UNC5D: variants seen among roughly 807,000 people sequenced by gnomAD.
UNC5D encodes the protein unc-5 netrin receptor D.
Under a neutral mutation model 105.4 loss-of-function variants are expected in UNC5D, and 39 were observed. That is an observed-to-expected ratio of 0.37 (90% CI 0.29 to 0.48). The LOEUF (loss-of-function observed/expected upper bound fraction) is 0.48, where lower values mean the gene tolerates loss of function less well. UNC5D is among the 20% of genes least tolerant of loss of function. The pLI is 0.98. For synonymous variants in UNC5D, 452 were observed against 450.4 expected (o/e 1.00, Z -0.04); for missense variants, 991 against 1,202.4 (o/e 0.82, Z 2.60).
chr8:35,567,168 C>A (rs1262942082), intron 2 of UNC5D, among the ~76,000 whole-genome samples: 1 of 152,172 alleles, frequency 6.6e-6, no homozygotes, highest in Non-Finnish European at 1.5e-5. Flanking sequence ...TAAAAACCCC[C>A]CTTTCTTCAC....
chr8:35,317,240 T>C (rs955520142), intron 1 of UNC5D, among the ~76,000 whole-genome samples: 75 of 152,162 alleles, frequency 4.9e-4, no homozygotes, highest in African/African-American at 1.7e-3. Context: ...CCAAATATTA[T>C]ATGTAATAAA....
chr8:35,261,530 G>A (rs900920977), intron 1 of UNC5D, among the ~76,000 whole-genome samples: 4 of 151,914 alleles, frequency 2.6e-5, no homozygotes, highest in African/African-American at 9.7e-5. Flanking sequence ...TTATGCTAGA[G>A]CCAGCCAGAG....
intron 1 of UNC5D, among the ~76,000 whole-genome samples, chr8:35,477,872 T>G (rs1810222340): frequency 6.6e-6 from 1 of 152,138 alleles, no homozygotes; most frequent in South Asian, 2.1e-4. Flanking sequence ...TGAGTTTCTA[T>G]TTATATTTTT....
intron 3 of UNC5D, among the ~76,000 whole-genome samples, chr8:35,589,258 AT>A (rs1818997684): frequency 6.6e-6 from 1 of 152,120 alleles, no homozygotes; most frequent in Non-Finnish European, 1.5e-5. Context: ...TGAGCTTATG[AT>A]TTTTAATGGT....
intron 1 of UNC5D, among the ~76,000 whole-genome samples, chr8:35,537,612 G>A (rs1457051087): frequency 6.6e-6 from 1 of 151,942 alleles, no homozygotes; most frequent in African/African-American, 2.4e-5. Flanking sequence ...CCCTGGAATT[G>A]GAGGCTGCAG....
chr8:35,676,406 C>T (rs1264945411), intron 4 of UNC5D, among the ~76,000 whole-genome samples: 2 of 152,098 alleles, frequency 1.3e-5, no homozygotes, highest in Non-Finnish European at 2.9e-5. Context: ...GGGGTGAATG[C>T]CTCCAACAAC....
chr8:35,390,756 T>C (rs1803719191), intron 1 of UNC5D, among the ~76,000 whole-genome samples: 1 of 152,240 alleles, frequency 6.6e-6, no homozygotes, highest in African/African-American at 2.4e-5. Context: ...TAAATGTTCA[T>C]GTTCACTAGT....
chr8:35,571,287 G>A (rs1817701272), intron 3 of UNC5D, among the ~76,000 whole-genome samples: 1 of 152,176 alleles, frequency 6.6e-6, no homozygotes, highest in South Asian at 2.1e-4. Context: ...ATGTAATAAA[G>A]ATGTGATTTC....
chr8:35,386,075 T>C (rs1345574923), intron 1 of UNC5D, among the ~76,000 whole-genome samples: 1 of 152,354 alleles, frequency 6.6e-6, no homozygotes, highest in Non-Finnish European at 1.5e-5. Flanking sequence ...GAAACCATAC[T>C]GCATTTGAAA....
At chr8:35,488,562 C>T (rs940517499) in intron 1 of UNC5D, among the ~76,000 whole-genome samples, 4 of 152,162 alleles carry the variant, frequency 2.6e-5, no homozygotes, top group Non-Finnish European at 5.9e-5. Context: ...ATGCTTCTAA[C>T]TCAAGGGGCT....
rs1232373486 is a variant in UNC5D at position 35,525,642 on chromosome 8, A to C, written c.104-23650A>C. ...CTTTCCACTGGAAGAGGGACATTTT[A>C]AAGCCAGCATTTTGGATTGGTAGTC... On this transcript the variant is annotated intron_variant, in intron 1 of 16. Coordinates refer to ENST00000404895, the MANE Select transcript of UNC5D (RefSeq NM_080872.4). The C allele has an allele frequency of 5.6e-6, 9 of 1,613,360 alleles. No individual in the cohort carries two copies. In the Admixed American group the frequency reaches 6.7e-5, roughly 12 times the overall value.
intron 1 of UNC5D, among the ~76,000 whole-genome samples, chr8:35,344,434 G>A (rs543122769): frequency 4.6e-5 from 7 of 152,092 alleles, no homozygotes; most frequent in Non-Finnish European, 1.0e-4. Context: ...TGATCCTACT[G>A]TGTAACTACA....
intron 1 of UNC5D, among the ~76,000 whole-genome samples, chr8:35,334,888 A>G (rs1810906067): frequency 6.6e-6 from 1 of 152,082 alleles, no homozygotes; most frequent in African/African-American, 2.4e-5. Context: ...CTATCACCAT[A>G]ATTAAGATAA....
At chr8:35,588,681 G>C (rs1818955349) in intron 3 of UNC5D, among the ~76,000 whole-genome samples, 1 of 152,154 alleles carries the variant, frequency 6.6e-6, no homozygotes, top group Non-Finnish European at 1.5e-5. Context: ...TGTCCAGTGG[G>C]AGTCAACAGC....
chr8:35,406,821 C>G (rs1438588970), intron 1 of UNC5D, among the ~76,000 whole-genome samples: 1 of 152,084 alleles, frequency 6.6e-6, no homozygotes, highest in Non-Finnish European at 1.5e-5. Flanking sequence ...CCTAGTTTAG[C>G]AGTTTTGTTT....
At chr8:35,747,313 T>C (rs896082724) in intron 11 of UNC5D, among the ~76,000 whole-genome samples, 1 of 152,192 alleles carries the variant, frequency 6.6e-6, no homozygotes, top group Non-Finnish European at 1.5e-5. Flanking sequence ...GTTGTCAACA[T>C]AAGCAATTCA....
At chr8:35,412,482 A>C (rs1333562607) in intron 1 of UNC5D, among the ~76,000 whole-genome samples, 1 of 151,312 alleles carries the variant, frequency 6.6e-6, no homozygotes, top group East Asian at 1.9e-4. Flanking sequence ...AAAAAAAAGC[A>C]CTGAACCACA....
chr8:35,348,341 G>C (rs1811952678), intron 1 of UNC5D, among the ~76,000 whole-genome samples: 1 of 151,736 alleles, frequency 6.6e-6, no homozygotes, highest in Non-Finnish European at 1.5e-5. Flanking sequence ...AGAGTAAAGG[G>C]GTATCTGGAA....
chr8:35,781,859 A>C (rs940733729), intron 16 of UNC5D, among the ~76,000 whole-genome samples: 1 of 152,218 alleles, frequency 6.6e-6, no homozygotes, highest in African/African-American at 2.4e-5. Context: ...TACATTTCCA[A>C]AAAAAGAATT....
Sources: gnomAD v4.1 joint callset for allele counts (sites outside exome capture counted in the v4.1 genomes callset) on GRCh38, gnomAD v4.1.1 for gene constraint, MANE v1.5 for transcripts, NCBI Gene and HGNC (gene_info 2026-07-23, HGNC 2026-07-21) for gene names.